Variants in MSRB2 observed in about 807,000 individuals in gnomAD.
MSRB2 encodes methionine sulfoxide reductase B2.
A neutral mutation model predicts 19.0 loss-of-function variants in MSRB2; 17 were observed. The observed-to-expected ratio is 0.89, with a 90% confidence interval of 0.61 to 1.34. MSRB2 has a LOEUF of 1.34. Ranked by LOEUF, MSRB2 falls within the 40% of genes most tolerant of loss-of-function variation. The pLI is 0.00. For missense variants in MSRB2, 208 were observed against 237.6 expected (o/e 0.88, Z 0.82); for synonymous variants, 107 against 99.7 (o/e 1.07, Z -0.44).
chr10:23,104,018 TG>T, intron 1 of MSRB2, 125 bp from the exon 2 acceptor site: 1 of 600,856 alleles, frequency 1.7e-6, no homozygotes. Context: ...AATAAACTCG[TG>T]GGAGAGAGAG....
At chr10:23,119,595 CTTTGTTTTGT>C (rs367774870) in intron 4 of MSRB2, 144 bp downstream of exon 4, 35 of 1,070,606 alleles carry the variant, frequency 3.3e-5, no homozygotes, top group South Asian at 2.8e-4. Context: ...TTTTGTTTTG[CTTTGTTTTGT>C]TTTGTTTTGT....
At chr10:23,106,135 C>T (rs1190274240) in intron 2 of MSRB2, among the ~76,000 whole-genome samples, 1 of 152,330 alleles carries the variant, frequency 6.6e-6, no homozygotes, top group South Asian at 2.1e-4. Context: ...AATATACTCT[C>T]TGCATTTGGC....
chr10:23,119,166 T>C (rs762233713), intron 3 of MSRB2, 138 bp from the exon 4 acceptor site: 3 of 1,087,608 alleles, frequency 2.8e-6, no homozygotes, highest in Non-Finnish European at 4.2e-6. Context: ...GGGGACTGAC[T>C]GTCGAATAAC....
chr10:23,096,245 C>G (rs1338337851), intron 1 of MSRB2, among the ~76,000 whole-genome samples: 1 of 151,954 alleles, frequency 6.6e-6, no homozygotes, highest in Non-Finnish European at 1.5e-5. Context: ...TGTCTAAGAG[C>G]CAGGGAGACT....
intron 3 of MSRB2, among the ~76,000 whole-genome samples, chr10:23,115,718 C>T (rs1840103392): frequency 6.6e-6 from 1 of 152,128 alleles, no homozygotes; most frequent in Non-Finnish European, 1.5e-5. Context: ...TATTTTGGTT[C>T]CCAGTCTTAA....
intron 3 of MSRB2, among the ~76,000 whole-genome samples, chr10:23,116,747 T>C (rs2131633128): frequency 6.6e-6 from 1 of 152,326 alleles, no homozygotes; most frequent in Middle Eastern, 3.4e-3. Flanking sequence ...TCAACACTGC[T>C]TATCTCAAGG....
intron 3 of MSRB2, among the ~76,000 whole-genome samples, chr10:23,115,811 C>T (rs1318110813): frequency 6.6e-6 from 1 of 152,114 alleles, no homozygotes; most frequent in Non-Finnish European, 1.5e-5. Flanking sequence ...TATTGTTTCC[C>T]ATAAAATGCT....
intron 3 of MSRB2, among the ~76,000 whole-genome samples, chr10:23,116,623 A>T (rs970360296): frequency 6.6e-6 from 1 of 152,230 alleles, no homozygotes; most frequent in African/African-American, 2.4e-5. Flanking sequence ...TGGTCTTTTA[A>T]TCAGGAGAAA....
Position 23,120,957 on chromosome 10 carries a change from TG to T in MSRB2, c.*98del. The T allele has an allele frequency of 1.1e-6, 1 of 950,224 alleles. No homozygotes were observed. The highest frequency in any genetic ancestry group is 1.6e-5 in the African/African-American group (1 of 60,868). 58.9% of individuals were successfully genotyped at this position (950,224 alleles called of 1,614,324 possible). ...TGACTTGTTTTATTTGCAATAAAAC[TG>T]GGCTGAATTTGCTGCTGTCTCCAGC... On this transcript the variant is annotated 3_prime_UTR_variant, in exon 5 of 5. Coordinates refer to ENST00000376510, the MANE Select transcript of MSRB2 (RefSeq NM_012228.4).
intron 2 of MSRB2, among the ~76,000 whole-genome samples, chr10:23,106,769 C>A (rs1017361128): frequency 6.6e-6 from 1 of 152,204 alleles, no homozygotes; most frequent in South Asian, 2.1e-4. Flanking sequence ...GAGGCCATGG[C>A]TTCTCAGAGT....
At chr10:23,114,161 C>G (rs1840084793) in intron 3 of MSRB2, among the ~76,000 whole-genome samples, 1 of 151,984 alleles carries the variant, frequency 6.6e-6, no homozygotes, top group African/African-American at 2.4e-5. Flanking sequence ...ACCAGCCTGA[C>G]CAGTATAGCA....
intron 3 of MSRB2, among the ~76,000 whole-genome samples, chr10:23,111,413 C>A (rs578131765): frequency 6.6e-6 from 1 of 152,306 alleles, no homozygotes; most frequent in South Asian, 2.1e-4. Context: ...GCCAGCGTGT[C>A]AAGGGCTCCC....
chr10:23,108,252 C>G (rs184422530), intron 2 of MSRB2, among the ~76,000 whole-genome samples: 4 of 152,186 alleles, frequency 2.6e-5, no homozygotes, highest in African/African-American at 9.6e-5. Flanking sequence ...GCCACCGCAC[C>G]TGGCCTTCAC....
chr10:23,104,886 T>G lies in MSRB2; in HGVS notation c.219+642T>G, dbSNP rs143358811. ...TCCACCCATTCATTCAGACCTACCT[T>G]GTAGCTCTCGGCCCAAATCTCACTT... On this transcript the variant is annotated intron_variant, in intron 2 of 4. Transcript: ENST00000376510. 2.0e-5 allele frequency among the ~76,000 whole-genome samples: 3 copies of G among 152,200 alleles called. No homozygotes were observed. In the East Asian group the frequency reaches 5.8e-4, roughly 29 times the overall value.
chr10:23,119,429 GCA>G lies in MSRB2; in HGVS notation c.425_426del (p.Thr142ArgfsTer8). ...CTGGATACCTCGTTAGGATCAGCTCGCACAGAGGTTGTCTGCAAGCAGGTGAG... is the reference window on the plus strand; with the variant it reads ...CTGGATACCTCGTTAGGATCAGCTCGCAGAGGTTGTCTGCAAGCAGGTGAG... On this transcript the variant is annotated frameshift_variant, in exon 4 of 5. Transcript: ENST00000376510. LOFTEE classifies it high-confidence loss of function. The G allele has an allele frequency of 6.2e-7, 1 of 1,613,752 alleles. No homozygotes were observed.
At chr10:23,100,681 A>G (rs1004856083) in intron 1 of MSRB2, among the ~76,000 whole-genome samples, 3 of 152,204 alleles carry the variant, frequency 2.0e-5, no homozygotes, top group Non-Finnish European at 4.4e-5. Flanking sequence ...ACTCACTATC[A>G]CGAGAACAGC....
chr10:23,095,733 C>T lies in MSRB2; in HGVS notation c.118+7C>T. ...CCGGGACTGGGGGAGGCAGGTAGGA[C>T]GCGGGTCCCGCAGGCCCCGCCGCCG... On this transcript the variant is annotated splice_region_variant and intron_variant, in intron 1 of 4. Coordinates refer to ENST00000376510, the MANE Select transcript of MSRB2 (RefSeq NM_012228.4). The T allele has an allele frequency of 1.6e-6, 2 of 1,247,172 alleles. No homozygotes were observed. Among genetic ancestry groups the T allele is most frequent in the Non-Finnish European group, 2.0e-6 (2 of 996,874 alleles). The allele number at this position is 1,247,172 out of a possible 1,614,324, so 77.3% of individuals were successfully genotyped here. A position where few individuals can be genotyped will look rare whatever the true frequency, so the allele number is the denominator to read the frequency against.
At chr10:23,110,352 C>T in intron 3 of MSRB2, 34 bp downstream of exon 3, 1 of 1,534,578 alleles carries the variant, frequency 6.5e-7, no homozygotes, top group Non-Finnish European at 9.0e-7. Flanking sequence ...CGGAAGGAGA[C>T]CAAACCTCCA....
chr10:23,118,107 T>C (rs769786974), intron 3 of MSRB2, among the ~76,000 whole-genome samples: 41 of 152,212 alleles, frequency 2.7e-4, no homozygotes, highest in Non-Finnish European at 4.1e-4. Flanking sequence ...TTATAATGTA[T>C]AATTTGTTAA....
Sources: allele counts gnomAD v4.1 joint callset (sites outside exome capture counted in the v4.1 genomes callset), GRCh38; gene constraint gnomAD v4.1.1; transcripts MANE v1.5; gene names NCBI Gene and HGNC (gene_info 2026-07-23, HGNC 2026-07-21).